Variants in RFTN1 observed in about 807,000 individuals in gnomAD.
The protein encoded by RFTN1 is raftlin.
A neutral mutation model predicts 46.5 loss-of-function variants in RFTN1; 26 were observed. The ratio of observed to expected loss-of-function variants is 0.56; its 90% confidence interval spans 0.41 to 0.78. RFTN1 has a LOEUF of 0.78. Ranked by LOEUF, RFTN1 falls within the 30% of genes least tolerant of loss-of-function variation. RFTN1 has a pLI of 0.00. For synonymous variants in RFTN1, 261 were observed against 284.2 expected (o/e 0.92, Z 0.82); for missense variants, 693 against 718.7 (o/e 0.96, Z 0.41).
At chr3:16,398,029 G>A (rs556814717) in intron 4 of RFTN1, among the ~76,000 whole-genome samples, 2 of 151,918 alleles carry the variant, frequency 1.3e-5, no homozygotes, top group South Asian at 2.1e-4. Flanking sequence ...GGTGGATCTC[G>A]AGGTCAGGAG....
In RFTN1 at chr3:16,442,241, CA is replaced by C. The variant is rs2075640522; in HGVS notation, c.146-8205del. On this transcript the variant is annotated intron_variant, in intron 2 of 9. Transcript: ENST00000334133. This position sits in a 1 kb window ranked among gnomAD's most constrained non-coding sequence, Gnocchi z 4.1. ...GAAATTTCCATAACATAAAATTAATCATTTTAAAGTGAACTATTTGGTGGCG... is the reference window on the plus strand; with the variant it reads ...GAAATTTCCATAACATAAAATTAATCTTTTAAAGTGAACTATTTGGTGGCG... 1.3e-5 allele frequency among the ~76,000 whole-genome samples: 2 copies of C among 152,080 alleles called. No individual in the cohort carries two copies. The highest frequency in any genetic ancestry group is 1.5e-5 in the Non-Finnish European group (1 of 68,004).
Position 16,446,762 on chromosome 3 carries a change from G to A in RFTN1, c.146-12725C>T, listed in dbSNP as rs1256075282. 2.7e-5 allele frequency among the ~76,000 whole-genome samples: 4 copies of A among 150,626 alleles called. No individual in the cohort carries two copies. Among genetic ancestry groups the A allele is most frequent in the Non-Finnish European group, 4.4e-5 (3 of 67,532 alleles). On this transcript the variant is annotated intron_variant, in intron 2 of 9. Transcript: ENST00000334133. This position sits in a 1 kb window ranked among gnomAD's most constrained non-coding sequence, Gnocchi z 4.5. ...ATTTCCCAAAAAGTGCGGTACCCGAGGGTATGAGCACACTTGAGTTTGGCA... is the reference window on the plus strand; with the variant it reads ...ATTTCCCAAAAAGTGCGGTACCCGAAGGTATGAGCACACTTGAGTTTGGCA...
At position 16,427,141 on chromosome 3, in the gene RFTN1, C is replaced by T. The variant is rs757935787; in HGVS notation, c.332+6710G>A. ...TGGCATGGGTTAGGGACAAACAATC[C>T]TACTTTGGAAAAGTGAGGCTAAAAG... On this transcript the variant is annotated intron_variant, in intron 3 of 9. Transcript: ENST00000334133. The surrounding 1 kb of genome is among the most constrained non-coding windows in gnomAD (Gnocchi z 5.4). Among the ~76,000 whole-genome samples the T allele has an allele frequency of 6.6e-6, 1 of 152,202 alleles. No homozygotes were observed. The highest frequency in any genetic ancestry group is 2.4e-5 in the African/African-American group (1 of 41,442).
In RFTN1 at chr3:16,345,264, T is replaced by TTTGTGTGTGTG. The variant is rs1491581919; in HGVS notation, c.1146+12667_1146+12668insCACACACACAA. ...AAACTGTAAGATAATAAGTAGGTGGTTGTGTGTGTGTGTGTGTGTGTGTGT... is the reference window on the plus strand; with the variant it reads ...AAACTGTAAGATAATAAGTAGGTGGTTTGTGTGTGTGTGTGTGTGTGTGTGTGTGTGTGTGT... On this transcript the variant is annotated intron_variant, in intron 7 of 9. Transcript: ENST00000334133. The surrounding 1 kb of genome is among the most constrained non-coding windows in gnomAD (Gnocchi z 5.2). 8 of 145,838 alleles carry TTTGTGTGTGTG rather than the reference T, an allele frequency of 5.5e-5. No homozygotes were observed. Among genetic ancestry groups the TTTGTGTGTGTG allele is most frequent in the African/African-American group, 1.9e-4 (7 of 37,754 alleles). 9.0% of individuals were successfully genotyped at this position (145,838 alleles called of 1,614,324 possible). A position where few individuals can be genotyped will look rare whatever the true frequency, so the allele number is the denominator to read the frequency against.
chr3:16,406,581 T>G (rs1032019071), intron 4 of RFTN1, among the ~76,000 whole-genome samples: 3 of 152,170 alleles, frequency 2.0e-5, no homozygotes, highest in Non-Finnish European at 4.4e-5. Context: ...AAAAACCAAG[T>G]GTATGACAGG....
rs1358072316 is a variant in RFTN1 at position 16,422,923 on chromosome 3, T to C, written c.332+10928A>G. On this transcript the variant is annotated intron_variant, in intron 3 of 9. Transcript: ENST00000334133. This position sits in a 1 kb window ranked among gnomAD's most constrained non-coding sequence, Gnocchi z 4.6. ...GGCTCACGCCTGTAATCCCAGCACT[T>C]TGGGAGGCCGAAGTGGGTGGATCAT... Among the ~76,000 whole-genome samples, 1 of 151,990 alleles carries C rather than the reference T, an allele frequency of 6.6e-6. No individual in the cohort carries two copies. Among genetic ancestry groups the C allele is most frequent in the African/African-American group, 2.4e-5 (1 of 41,350 alleles).
At position 16,484,622 on chromosome 3, in the gene RFTN1, A is replaced by T. The variant is rs967878532; in HGVS notation, c.145+9103T>A. The T allele has an allele frequency of 1.3e-5, 2 of 152,242 alleles. No individual in the cohort carries two copies. Among genetic ancestry groups the T allele is most frequent in the African/African-American group, 4.8e-5 (2 of 41,474 alleles). The allele number at this position is 152,242 out of a possible 1,614,324, so 9.4% of individuals were successfully genotyped here. A position where few individuals can be genotyped will look rare whatever the true frequency, so the allele number is the denominator to read the frequency against. On this transcript the variant is annotated intron_variant, in intron 2 of 9. Coordinates refer to ENST00000334133, the MANE Select transcript of RFTN1 (RefSeq NM_015150.2). The surrounding 1 kb of genome is among the most constrained non-coding windows in gnomAD (Gnocchi z 4.6). Reference sequence around the variant, plus strand: ...TTATAAGGAGGAACTTAAGAATAGAAATAGAAGAAGACAAGCTTGAGAAAG... The same window carrying T: ...TTATAAGGAGGAACTTAAGAATAGATATAGAAGAAGACAAGCTTGAGAAAG...
chr3:16,360,363 TCTCA>T (rs536735531), intron 6 of RFTN1, among the ~76,000 whole-genome samples: 11 of 152,142 alleles, frequency 7.2e-5, no homozygotes, highest in Non-Finnish European at 1.6e-4. Flanking sequence ...AGAGATGCGG[TCTCA>T]CTATGTTTCT....
intron 2 of RFTN1, among the ~76,000 whole-genome samples, chr3:16,445,253 C>T (rs2075704250): frequency 6.6e-6 from 1 of 152,008 alleles, no homozygotes; most frequent in Admixed American, 6.6e-5. Context: ...AGTATGATTG[C>T]TCTGATACCT....
chr3:16,474,107 CTTCTTTGCAT>C lies in RFTN1; in HGVS notation c.145+19608_145+19617del, dbSNP rs2076244322. On this transcript the variant is annotated intron_variant, in intron 2 of 9. Coordinates refer to ENST00000334133, the MANE Select transcript of RFTN1 (RefSeq NM_015150.2). The surrounding 1 kb of genome is among the most constrained non-coding windows in gnomAD (Gnocchi z 5.5). ...GGAAATCTTGCACTTACATTTGACT[CTTCTTTGCAT>C]TTGGTATAAAAATAGCTATCATTTA... is the stretch of plus-strand genomic sequence containing the variant. 6.6e-6 allele frequency among the ~76,000 whole-genome samples: 1 copy of C among 152,192 alleles called. No individual in the cohort carries two copies. The highest frequency in any genetic ancestry group is 6.5e-5 in the Admixed American group (1 of 15,286).
chr3:16,387,598 CTCTCTCTCTCTCTA>C lies in RFTN1; in HGVS notation c.442-9510_442-9497del, dbSNP rs1308148942. Reference sequence around the variant, plus strand: ...TCTCTCTCTCTCTCTCTCTCTCTCTCTCTCTCTCTCTCTACTGGCTCCTTCCACTCAGCATACAA... The same window carrying C: ...TCTCTCTCTCTCTCTCTCTCTCTCTCCTGGCTCCTTCCACTCAGCATACAA... On this transcript the variant is annotated intron_variant, in intron 4 of 9. Coordinates refer to ENST00000334133, the MANE Select transcript of RFTN1 (RefSeq NM_015150.2). The surrounding 1 kb of genome is among the most constrained non-coding windows in gnomAD (Gnocchi z 5.2). Among the ~76,000 whole-genome samples the C allele has an allele frequency of 3.3e-5, 5 of 149,804 alleles. No individual in the cohort carries two copies. Among genetic ancestry groups the C allele is most frequent in the African/African-American group, 1.2e-4 (5 of 40,516 alleles).
chr3:16,373,070 G>A (rs2073592877), intron 5 of RFTN1, among the ~76,000 whole-genome samples: 1 of 152,190 alleles, frequency 6.6e-6, no homozygotes, highest in South Asian at 2.1e-4. Context: ...ATCCTCACGT[G>A]AGCAAGCACC....
Position 16,336,218 on chromosome 3 carries a change from G to A in RFTN1, c.1147-9342C>T, listed in dbSNP as rs1193848382. Among the ~76,000 whole-genome samples, 1 of 152,238 alleles carries A rather than the reference G, an allele frequency of 6.6e-6. No individual in the cohort carries two copies. Among genetic ancestry groups the A allele is most frequent in the Non-Finnish European group, 1.5e-5 (1 of 68,044 alleles). On this transcript the variant is annotated intron_variant, in intron 7 of 9. Transcript: ENST00000334133. This position sits in a 1 kb window ranked among gnomAD's most constrained non-coding sequence, Gnocchi z 6.0. ...TGGCCCTCAGGATGCTAAAGGGCAG[G>A]GCTATGCCTGGTATCACTGTTCATT...
chr3:16,393,850 G>A (rs1024091787), intron 4 of RFTN1, among the ~76,000 whole-genome samples: 4 of 151,936 alleles, frequency 2.6e-5, no homozygotes, highest in Non-Finnish European at 5.9e-5. Context: ...TAGTATAGAC[G>A]GGGTTTCACC....
In RFTN1 at chr3:16,508,526, C is replaced by T. The variant is rs1301073473; in HGVS notation, c.-9+4916G>A. Among the ~76,000 whole-genome samples, 10 of 152,128 alleles carry T rather than the reference C, an allele frequency of 6.6e-5. No homozygotes were observed. The East Asian group carries it at 7.7e-4, about 12-fold the overall frequency. On this transcript the variant is annotated intron_variant, in intron 1 of 9. Transcript: ENST00000334133. ...CTTATTTGGAGAGCAAGGAATTAGC[C>T]GGGTTCAAGCAGTGGCTATCGCTTG...
chr3:16,501,824 G>A (rs1364876949), intron 1 of RFTN1, among the ~76,000 whole-genome samples: 2 of 152,174 alleles, frequency 1.3e-5, no homozygotes, highest in Non-Finnish European at 2.9e-5. Context: ...ACTTTTTGCT[G>A]TCCTGCAACA....
rs975748840 is a variant in RFTN1, at chr3:16,425,299, AT to A, written c.332+8551del. 2.6e-5 allele frequency among the ~76,000 whole-genome samples: 4 copies of A among 152,172 alleles called. No individual in the cohort carries two copies. The highest frequency in any genetic ancestry group is 6.5e-5 in the Admixed American group (1 of 15,270). On this transcript the variant is annotated intron_variant, in intron 3 of 9. Coordinates refer to ENST00000334133, the MANE Select transcript of RFTN1 (RefSeq NM_015150.2). This position sits in a 1 kb window ranked among gnomAD's most constrained non-coding sequence, Gnocchi z 4.3. ...ATTTTATTTAAAAACAAATACAGAC[AT>A]TTCATGGTACTGAAGTATTCACCCA...
chr3:16,345,796 G>GTGTGTGTA lies in RFTN1; in HGVS notation c.1146+12135_1146+12136insTACACACA, dbSNP rs1209921611. On this transcript the variant is annotated intron_variant, in intron 7 of 9. Transcript: ENST00000334133. The surrounding 1 kb of genome is among the most constrained non-coding windows in gnomAD (Gnocchi z 5.2). ...AACCTTATAATAAATCTCTGTGTGT[G>GTGTGTGTA]TGTGTGTGTGTGTGTGTGTGTGCGC... Among the ~76,000 whole-genome samples, 1 of 83,108 alleles carries GTGTGTGTA rather than the reference G, an allele frequency of 1.2e-5. No homozygotes were observed. Among genetic ancestry groups the GTGTGTGTA allele is most frequent in the African/African-American group, 7.3e-5 (1 of 13,626 alleles). The allele number at this position is 83,108 out of a possible 152,430, so 54.5% of individuals were successfully genotyped here. A position where few individuals can be genotyped will look rare whatever the true frequency, so the allele number is the denominator to read the frequency against.
rs979861740 is a variant in RFTN1 at position 16,322,029 on chromosome 3, T to C, written c.1332+1347A>G. Among the ~76,000 whole-genome samples the C allele has an allele frequency of 4.6e-5, 7 of 152,222 alleles. No individual in the cohort carries two copies. The highest frequency in any genetic ancestry group is 1.4e-4 in the African/African-American group (6 of 41,452). On this transcript the variant is annotated intron_variant, in intron 9 of 9. Coordinates refer to ENST00000334133, the MANE Select transcript of RFTN1 (RefSeq NM_015150.2). The surrounding 1 kb of genome is among the most constrained non-coding windows in gnomAD (Gnocchi z 6.2). Reference sequence around the variant, plus strand: ...CCTCTGTAAGGCTGCAGCGGGTGTCTGTCAGCATCTGACAGGGGCCCTTTG... The same window carrying C: ...CCTCTGTAAGGCTGCAGCGGGTGTCCGTCAGCATCTGACAGGGGCCCTTTG...
Sources: allele counts gnomAD v4.1 joint callset (sites outside exome capture counted in the v4.1 genomes callset), GRCh38; gene constraint gnomAD v4.1.1; non-coding constraint Gnocchi (gnomAD v3.1); transcripts MANE v1.5; gene names NCBI Gene and HGNC (gene_info 2026-07-23, HGNC 2026-07-21).